Variants in WT1 observed in about 807,000 individuals in gnomAD.
WT1 encodes Wilms tumor protein.
In WT1, 8 loss-of-function variants were observed where a neutral mutation model predicts 60.8. The observed-to-expected ratio is 0.13, with a 90% confidence interval of 0.08 to 0.24. The LOEUF is 0.24. WT1 is among the 10% of genes least tolerant of loss of function. WT1 has a pLI of 1.00. For synonymous variants in WT1, 312 were observed against 297.1 expected (o/e 1.05, Z -0.52); for missense variants, 568 against 711.8 (o/e 0.80, Z 2.30).
intron 6 of WT1, among the ~76,000 whole-genome samples, chr11:32,399,729 C>T (rs1852089109): frequency 6.6e-6 from 1 of 152,264 alleles, no homozygotes; most frequent in Admixed American, 6.5e-5. Flanking sequence ...TGTTAGGACG[C>T]ATCTTGCGCA....
rs752854428 is a variant in WT1, at chr11:32,392,083, T to A, written c.1355-19A>T. On this transcript the variant is annotated intron_variant, in intron 8 of 9. Coordinates refer to ENST00000452863, the MANE Select transcript of WT1 (RefSeq NM_024426.6). The stretch of plus-strand genomic sequence containing the variant: ...TTCACACCTAAATGGACAGAGAAGG[T>A]CTAGCCTCGGCCCTAACAATGTGGG... 1 of 1,612,282 alleles carries A rather than the reference T, an allele frequency of 6.2e-7. No individual in the cohort carries two copies. The highest frequency in any genetic ancestry group is 2.2e-5 in the East Asian group (1 of 44,870).
intron 5 of WT1, 143 bp downstream of exon 5, chr11:32,416,347 G>C: frequency 1.0e-6 from 1 of 995,956 alleles, no homozygotes; most frequent in Non-Finnish European, 1.6e-6. Context: ...AATAAGAAGA[G>C]GTGGGGGCGG....
At chr11:32,429,304 G>A (rs5030156) in intron 1 of WT1, among the ~76,000 whole-genome samples, 1,947 of 152,196 alleles carry the variant, frequency 0.013, 40 homozygotes, top group African/African-American at 0.043. Flanking sequence ...TTGCGCCCAG[G>A]GGTCCGACCC....
intron 1 of WT1, among the ~76,000 whole-genome samples, chr11:32,433,596 G>A (rs1467676044): frequency 6.6e-6 from 1 of 152,228 alleles, no homozygotes; most frequent in Non-Finnish European, 1.5e-5. Flanking sequence ...TATTAGTAAA[G>A]CGTTTACTAA....
intron 3 of WT1, among the ~76,000 whole-genome samples, chr11:32,418,367 C>G (rs965206360): frequency 2.6e-5 from 4 of 152,116 alleles, no homozygotes; most frequent in Non-Finnish European, 4.4e-5. Flanking sequence ...GTTCTGTCCC[C>G]TCTGTATTTA....
intron 7 of WT1, among the ~76,000 whole-genome samples, chr11:32,393,731 TC>T (rs1851885565): frequency 6.6e-6 from 1 of 152,196 alleles, no homozygotes; most frequent in Non-Finnish European, 1.5e-5. Flanking sequence ...CCTGGGTGTC[TC>T]CTTCTTCTGC....
chr11:32,396,167 G>A (rs2132938405), intron 7 of WT1, 90 bp downstream of exon 7: 2 of 1,582,146 alleles, frequency 1.3e-6, no homozygotes, highest in South Asian at 2.2e-5. Flanking sequence ...TTTCCATCCT[G>A]GAAATAACCT....
chr11:32,413,892 C>T (rs1434539195), intron 5 of WT1, among the ~76,000 whole-genome samples: 1 of 152,186 alleles, frequency 6.6e-6, no homozygotes, highest in Non-Finnish European at 1.5e-5. Flanking sequence ...GGCTCTGCCA[C>T]TCACTTACTA....
At chr11:32,411,655 T>C (rs929897916) in intron 5 of WT1, among the ~76,000 whole-genome samples, 1 of 152,126 alleles carries the variant, frequency 6.6e-6, no homozygotes, top group Non-Finnish European at 1.5e-5. Context: ...ATCAAATGCA[T>C]GTCCAAAAAT....
chr11:32,418,257 A>C (rs1260043846), intron 3 of WT1, among the ~76,000 whole-genome samples: 1 of 151,366 alleles, frequency 6.6e-6, no homozygotes. Flanking sequence ...AAAAAAAAAA[A>C]AAGAGCCCAG....
In WT1 at chr11:32,435,317, G is replaced by C; in HGVS notation, c.44C>G (p.Pro15Arg). The change falls in exon 1 of 10, where the codon CCG becomes CGG. Residue 15 changes from proline to arginine, a missense_variant. Pro to Arg is a moderately radical substitution (Grantham distance 103). Around this residue, in one of 3 missense-constraint regions of WT1, gnomAD observed 523 missense variants for 565.1 expected, o/e 0.93. Coordinates refer to ENST00000452863, the MANE Select transcript of WT1 (RefSeq NM_024426.6). ...GAGCGTGTGCTGAGACGCCGGCTCC[G>C]GGACACACGTGGAAGCCGGGTCCTG... 8 of 1,532,720 alleles carry C rather than the reference G, an allele frequency of 5.2e-6. No homozygotes were observed. The highest frequency in any genetic ancestry group is 2.0e-5 in the Admixed American group (1 of 50,956). The allele number at this position is 1,532,720 out of a possible 1,614,324, so 94.9% of individuals were successfully genotyped here. A position where few individuals can be genotyped will look rare whatever the true frequency, so the allele number is the denominator to read the frequency against.
intron 6 of WT1, among the ~76,000 whole-genome samples, chr11:32,398,492 A>G (rs1008087253): frequency 6.6e-6 from 1 of 152,176 alleles, no homozygotes; most frequent in Non-Finnish European, 1.5e-5. Flanking sequence ...TTTATACTTT[A>G]CTTTCTTCAT....
intron 1 of WT1, among the ~76,000 whole-genome samples, chr11:32,433,419 G>C (rs1346564954): frequency 6.6e-6 from 1 of 152,204 alleles, no homozygotes; most frequent in Non-Finnish European, 1.5e-5. Flanking sequence ...GAAGACGCGC[G>C]TTTAGAAGGC....
chr11:32,411,068 T>TACACACACACACACACACACAC (rs10525221), intron 5 of WT1, among the ~76,000 whole-genome samples: 5,777 of 145,578 alleles, frequency 0.04, 146 homozygotes, highest in Non-Finnish European at 0.058. Context: ...CCCTCTCCAA[T>TACACACACACACACACACACAC]ACACACACAC....
chr11:32,397,506 G>A (rs1852010684), intron 6 of WT1, among the ~76,000 whole-genome samples: 1 of 146,412 alleles, frequency 6.8e-6, no homozygotes, highest in African/African-American at 2.6e-5. Flanking sequence ...TTTTGGTAGA[G>A]ATAGGGTCTC....
intron 1 of WT1, among the ~76,000 whole-genome samples, chr11:32,431,453 C>T (rs73479691): frequency 0.13 from 5,668 of 45,136 alleles, 485 homozygotes; most frequent in African/African-American, 0.46. Context: ...TTTTTTTTTT[C>T]CGAGACGGAG....
At chr11:32,430,754 G>T in intron 1 of WT1, 1 of 1,339,832 alleles carries the variant, frequency 7.5e-7, no homozygotes, top group South Asian at 2.3e-5. Context: ...ACCTCGGCGG[G>T]CAAAGACCGG....
chr11:32,430,891 G>C, intron 1 of WT1: 2 of 1,146,178 alleles, frequency 1.7e-6, no homozygotes, highest in Non-Finnish European at 2.2e-6. Context: ...CTGTCCCTGG[G>C]CCCAGCGCTT....
intron 7 of WT1, 126 bp downstream of exon 7, chr11:32,396,131 A>G: frequency 7.3e-7 from 1 of 1,372,412 alleles, no homozygotes; most frequent in Admixed American, 1.8e-5. Flanking sequence ...CAACACCTGG[A>G]TCAGACCTTT....
Sources: gnomAD v4.1 joint callset for allele counts (sites outside exome capture counted in the v4.1 genomes callset) on GRCh38, gnomAD v4.1.1 for gene constraint, gnomAD v4.1.1 regional missense constraint, MANE v1.5 for transcripts, NCBI Gene and HGNC (gene_info 2026-07-23, HGNC 2026-07-21) for gene names.